The following LYSMD1 variants were observed in gnomAD, a reference collection of about 807,000 sequenced individuals.
LYSMD1 encodes lysM and putative peptidoglycan-binding domain-containing protein 1.
In LYSMD1, 9 loss-of-function variants were observed where a neutral mutation model predicts 19.3. The observed-to-expected ratio is 0.47, with a 90% CI of 0.28 to 0.81. The LOEUF (loss-of-function observed/expected upper bound fraction) is 0.81, where lower values mean the gene tolerates loss of function less well. Ranked by LOEUF, LYSMD1 falls within the 40% of genes least tolerant of loss-of-function variation. The pLI is 0.11. For missense variants in LYSMD1, 262 were observed against 279.8 expected, an observed-to-expected ratio of 0.94 and a Z score of 0.45; for synonymous variants, 111 against 111.7, an observed-to-expected ratio of 0.99 and a Z score of 0.04.
Position 151,165,340 on chromosome 1 carries a change from T to C in LYSMD1, c.-82A>G, listed in dbSNP as rs1683639323. ...GACTGACAGGCCTGAAGTCTGGGAA[T>C]GAATATTCAGGGGATTCCTTTCCCC... is the stretch of plus-strand genomic sequence containing the variant. On this transcript the variant is annotated 5_prime_UTR_variant, in exon 1 of 3. Transcript: ENST00000368908. The C allele has an allele frequency of 1.3e-6, 2 of 1,545,474 alleles. No homozygotes were observed. The highest frequency in any genetic ancestry group is 2.3e-4 in the Middle Eastern group (1 of 4,288).
At chr1:151,149,396 AAAAAAT>A in the LYSMD1 span, among the ~76,000 whole-genome samples, 4 of 151,294 alleles carry the variant, frequency 2.6e-5, no homozygotes, top group South Asian at 6.3e-4. Context: ...GAGACTCTTA[AAAAAAT>A]AAAAATAAAA....
chr1:151,149,247 T>A, the LYSMD1 span, among the ~76,000 whole-genome samples: 4 of 151,180 alleles, frequency 2.6e-5, no homozygotes, highest in Non-Finnish European at 5.9e-5. Context: ...CAAAAAAAAA[T>A]TAGCCGGGTG....
the LYSMD1 span, among the ~76,000 whole-genome samples, chr1:151,151,908 A>T: frequency 6.6e-6 from 1 of 150,924 alleles, no homozygotes; most frequent in African/African-American, 2.4e-5. Flanking sequence ...TGGCCTGAGC[A>T]ACAAGAGCGA....
In LYSMD1 at chr1:151,165,507, G is replaced by A; in HGVS notation, c.-249C>T. On this transcript the variant is annotated 5_prime_UTR_variant, in exon 1 of 3. Transcript: ENST00000368908. The stretch of plus-strand genomic sequence containing the variant: ...CTAATTCTCCCCTAAGCACCCCTCC[G>A]ACTTTGGACTCCCCCACAACTCCTC... 7.0e-7 allele frequency: 1 copy of A among 1,437,954 alleles called. No individual in the cohort carries two copies. Among genetic ancestry groups the A allele is most frequent in the Non-Finnish European group, 9.1e-7 (1 of 1,101,972 alleles). 89.1% of individuals were successfully genotyped at this position (1,437,954 alleles called of 1,614,324 possible). A position where few individuals can be genotyped will look rare whatever the true frequency, so the allele number is the denominator to read the frequency against.
At chr1:151,159,030 C>T (rs758346362), downstream of LYSMD1, 37 of 1,614,230 alleles carry the variant, frequency 2.3e-5, no homozygotes, top group Admixed American at 2.3e-4. Flanking sequence ...ACTTCACCTT[C>T]GAGGCTGCTG....
chr1:151,165,543 C>T lies in LYSMD1; in HGVS notation c.-285G>A. 1 of 1,459,220 alleles carries T rather than the reference C, an allele frequency of 6.9e-7. No homozygotes were observed. Among genetic ancestry groups the T allele is most frequent in the Non-Finnish European group, 9.0e-7 (1 of 1,111,984 alleles). The allele number at this position is 1,459,220 out of a possible 1,614,324, so 90.4% of individuals were successfully genotyped here. Reference sequence around the variant, plus strand: ...CCCCCACAACTCCTCGCTACATTGACCTCTGACCTTTGAACTCTAGAAATA... The same window carrying T: ...CCCCCACAACTCCTCGCTACATTGATCTCTGACCTTTGAACTCTAGAAATA... On this transcript the variant is annotated 5_prime_UTR_variant, in exon 1 of 3. Transcript: ENST00000368908.
downstream of LYSMD1, among the ~76,000 whole-genome samples, chr1:151,158,499 G>C (rs587603157): frequency 6.6e-6 from 1 of 152,114 alleles, no homozygotes; most frequent in East Asian, 1.9e-4. Context: ...ATTTGCTACA[G>C]CACTAAGGGG....
chr1:151,165,136 C>T lies in LYSMD1; in HGVS notation c.123G>A (p.Glu41=). Residue 41 remains glutamate (E), a synonymous_variant, in exon 1 of 3, where the codon GAG becomes GAA. Transcript: ENST00000368908. ...ACSPVRERRL[E]HQLEPGDTLA... ...GGGTGTCTCCGGGCTCCAACTGATG[C>T]TCCAGGCGTCTTTCCCTCACTGGGG... The T allele has an allele frequency of 2.5e-6, 4 of 1,614,224 alleles. No homozygotes were observed. Among genetic ancestry groups the T allele is most frequent in the Non-Finnish European group, 2.5e-6 (3 of 1,180,042 alleles).
At chr1:151,157,781 A>C (rs77703424), downstream of LYSMD1, among the ~76,000 whole-genome samples, 2 of 152,234 alleles carry the variant, frequency 1.3e-5, no homozygotes, top group Admixed American at 6.5e-5. Context: ...AAGCACTTGC[A>C]TATAGTAGGT....
chr1:151,154,494 GAA>G, the LYSMD1 span, among the ~76,000 whole-genome samples: 31 of 120,166 alleles, frequency 2.6e-4, no homozygotes, highest in African/African-American at 9.7e-4. Context: ...AAAAAAGAAA[GAA>G]AGAGAGAGAG....
intron 1 of LYSMD1, among the ~76,000 whole-genome samples, 180 bp from the exon 2 acceptor site, chr1:151,162,280 C>T (rs1312820064): frequency 2.0e-5 from 3 of 151,984 alleles, no homozygotes; most frequent in Non-Finnish European, 4.4e-5. Flanking sequence ...GGTCTTAGGG[C>T]CCCCTTACAT....
the LYSMD1 span, among the ~76,000 whole-genome samples, chr1:151,151,491 G>A: frequency 4.0e-5 from 6 of 151,434 alleles, no homozygotes; most frequent in South Asian, 4.2e-4. Flanking sequence ...GAGCCACTGC[G>A]CCCGGCCACA....
chr1:151,161,190 C>T, intron 2 of LYSMD1, among the ~76,000 whole-genome samples, 170 bp from the exon 3 acceptor site: 1 of 152,164 alleles, frequency 6.6e-6, no homozygotes, highest in South Asian at 2.1e-4. Context: ...CATGGATGAT[C>T]AGAGCAGTAA....
the LYSMD1 span, among the ~76,000 whole-genome samples, chr1:151,148,778 A>G: frequency 1.3e-5 from 2 of 152,192 alleles, no homozygotes; most frequent in Non-Finnish European, 2.9e-5. Flanking sequence ...ATGGATAAAA[A>G]AAAGGTCCTG....
chr1:151,165,301 A>G lies in LYSMD1; in HGVS notation c.-43T>C. 1 of 1,587,998 alleles carries G rather than the reference A, an allele frequency of 6.3e-7. No homozygotes were observed. The highest frequency in any genetic ancestry group is 8.6e-7 in the Non-Finnish European group (1 of 1,165,840). ...AGCTAAGGTTGCAACTAGGGGAGGTACGACCGAGACTGCGACTGACAGGCC... is the reference window on the plus strand; with the variant it reads ...AGCTAAGGTTGCAACTAGGGGAGGTGCGACCGAGACTGCGACTGACAGGCC... On this transcript the variant is annotated 5_prime_UTR_variant, in exon 1 of 3. Coordinates refer to ENST00000368908, the MANE Select transcript of LYSMD1 (RefSeq NM_212551.5).
At chr1:151,163,401 C>T (rs1197922051) in intron 1 of LYSMD1, among the ~76,000 whole-genome samples, 1 of 152,010 alleles carries the variant, frequency 6.6e-6, no homozygotes, top group Non-Finnish European at 1.5e-5. Context: ...TCCTACAGAC[C>T]TTGACACATA....
chr1:151,150,203 G>T, the LYSMD1 span, among the ~76,000 whole-genome samples: 21 of 152,010 alleles, frequency 1.4e-4, no homozygotes, highest in Non-Finnish European at 2.6e-4. Flanking sequence ...TGATTCTCCT[G>T]CCTCGGCCTC....
At position 151,165,789 on chromosome 1, in the gene LYSMD1, G is replaced by C. The variant is rs887176145; in HGVS notation, c.-531C>G. On this transcript the variant is annotated 5_prime_UTR_variant, in exon 1 of 3. Transcript: ENST00000368908. ...TCAAAGGTCCGCTCCGCATAAGATA[G>C]GTCACACCCTCAAATTTCGGCTCCA... The C allele has an allele frequency of 1.9e-6, 3 of 1,550,766 alleles. No individual in the cohort carries two copies. Among genetic ancestry groups the C allele is most frequent in the African/African-American group, 1.4e-5 (1 of 73,044 alleles).
At chr1:151,149,548 G>A in the LYSMD1 span, among the ~76,000 whole-genome samples, 1 of 151,982 alleles carries the variant, frequency 6.6e-6, no homozygotes, top group African/African-American at 2.4e-5. Context: ...TCAGGAGTTC[G>A]AGACCAGCCT....
Sources: allele counts gnomAD v4.1 joint callset (sites outside exome capture counted in the v4.1 genomes callset), GRCh38; gene constraint gnomAD v4.1.1; transcripts MANE v1.5; gene names NCBI Gene and HGNC (gene_info 2026-07-23, HGNC 2026-07-21).